Variants in ADAMTS12 observed in about 807,000 individuals in gnomAD.
ADAMTS12 encodes the protein A disintegrin and metalloproteinase with thrombospondin motifs 12.
In ADAMTS12, 118 loss-of-function variants were observed where a neutral mutation model predicts 167.8. The observed-to-expected ratio is 0.70, with a 90% confidence interval of 0.61 to 0.82. The LOEUF (loss-of-function observed/expected upper bound fraction) is 0.82. ADAMTS12 is among the 40% of genes least tolerant of loss of function. The pLI is 0.00. For missense variants in ADAMTS12, 1,916 were observed against 1,998.8 expected (o/e 0.96, Z 0.79); for synonymous variants, 704 against 716.9 (o/e 0.98, Z 0.29).
intron 9 of ADAMTS12, among the ~76,000 whole-genome samples, chr5:33,643,739 T>A (rs1257562077): frequency 6.6e-6 from 1 of 152,248 alleles, no homozygotes; most frequent in Non-Finnish European, 1.5e-5. Context: ...GATGGTCATT[T>A]CTATATGTTT....
At chr5:33,541,379 A>G (rs1193123207) in intron 22 of ADAMTS12, among the ~76,000 whole-genome samples, 2 of 152,222 alleles carry the variant, frequency 1.3e-5, no homozygotes, top group African/African-American at 4.8e-5. Context: ...GAAAGTGAGG[A>G]GAAGAATGGA....
At chr5:33,808,119 G>A (rs1028015147) in intron 2 of ADAMTS12, among the ~76,000 whole-genome samples, 3 of 152,182 alleles carry the variant, frequency 2.0e-5, no homozygotes, top group African/African-American at 4.8e-5. Context: ...GGGAAAGCAC[G>A]AGCCGCGTAC....
Position 33,637,721 on chromosome 5 carries a change from T to G in ADAMTS12, c.1744A>C (p.Thr582Pro). 1.2e-6 allele frequency: 2 copies of G among 1,613,250 alleles called. No individual in the cohort carries two copies. The highest frequency in any genetic ancestry group is 1.7e-6 in the Non-Finnish European group (2 of 1,179,484). Residue 582 changes from threonine to proline, a missense_variant, in exon 12 of 24, where the codon ACT becomes CCT. Transcript: ENST00000504830. Reference sequence around the variant, plus strand: ...AAGCGATAGCGTTTTCTTTCTCCAGTGCAATATTTCCCTCCAAACTTTGGC... The same window carrying G: ...AAGCGATAGCGTTTTCTTTCTCCAGGGCAATATTTCCCTCCAAACTTTGGC... ...PEPKFGGKYC[T>P]GERKRYRLCN...
rs1257371218 is a variant in ADAMTS12, at chr5:33,523,752, T to G, written c.*3436A>C. ...GGGTAGGATTGTGCTTTACCCACCATGTTTTTTAGTAACATAACTTAGAAT... is the reference window on the plus strand; with the variant it reads ...GGGTAGGATTGTGCTTTACCCACCAGGTTTTTTAGTAACATAACTTAGAAT... On this transcript the variant is annotated 3_prime_UTR_variant, in exon 24 of 24. Transcript: ENST00000504830. 1.3e-5 allele frequency: 2 copies of G among 152,218 alleles called. No individual in the cohort carries two copies. Among genetic ancestry groups the G allele is most frequent in the African/African-American group, 2.4e-5 (1 of 41,446 alleles). 9.4% of individuals were successfully genotyped at this position (152,218 alleles called of 1,614,324 possible). A position where few individuals can be genotyped will look rare whatever the true frequency, so the allele number is the denominator to read the frequency against.
At chr5:33,666,739 C>T (rs180906950) in intron 5 of ADAMTS12, among the ~76,000 whole-genome samples, 1 of 152,256 alleles carries the variant, frequency 6.6e-6, no homozygotes, top group Admixed American at 6.5e-5. Context: ...GATCTGCCTG[C>T]CTCAGCCTCC....
chr5:33,785,245 C>A (rs1280105727), intron 2 of ADAMTS12, among the ~76,000 whole-genome samples: 25 of 152,048 alleles, frequency 1.6e-4, no homozygotes, highest in Non-Finnish European at 4.4e-5. Flanking sequence ...GAGAAACTCA[C>A]TCTACCTTGG....
intron 16 of ADAMTS12, among the ~76,000 whole-genome samples, chr5:33,607,114 C>T (rs76107629): frequency 0.017 from 2,646 of 151,772 alleles, 84 homozygotes; most frequent in African/African-American, 0.061. Context: ...TTTTTTTCAC[C>T]GATAAGGATC....
At chr5:33,618,523 G>A (rs1325377636) in intron 14 of ADAMTS12, among the ~76,000 whole-genome samples, 1 of 152,196 alleles carries the variant, frequency 6.6e-6, no homozygotes. Flanking sequence ...GCAGTCTTGA[G>A]TAATCAGAAC....
chr5:33,527,245 G>A lies in ADAMTS12; in HGVS notation c.4728C>T (p.Ile1576=), dbSNP rs764056233. 19 of 1,614,016 alleles carry A rather than the reference G, an allele frequency of 1.2e-5. No homozygotes were observed. The highest frequency in any genetic ancestry group is 1.7e-5 in the Admixed American group (1 of 59,990). ...ECCFSCPQTH[I]THTQRQRRQR... ...GCCTTCTTTGCCTTTGGGTGTGTGTGATGTGTGTCTGGGGACACGAGAAGC... is the reference window on the plus strand; with the variant it reads ...GCCTTCTTTGCCTTTGGGTGTGTGTAATGTGTGTCTGGGGACACGAGAAGC... The change falls in exon 24 of 24, where the codon ATC becomes ATT. Residue 1576 remains isoleucine, a synonymous_variant. Transcript: ENST00000504830.
intron 1 of ADAMTS12, among the ~76,000 whole-genome samples, chr5:33,883,327 G>GTTTTTTTTTTTTT (rs79064946): frequency 7.5e-4 from 84 of 111,552 alleles, no homozygotes; most frequent in East Asian, 1.7e-3. Flanking sequence ...TTTTTTTTTT[G>GTTTTTTTTTTTTT]TTTTTTTTTT....
rs201770938 is a variant in ADAMTS12 at position 33,576,127 on chromosome 5, A to T, written c.3899T>A (p.Leu1300Gln). The T allele has an allele frequency of 6.2e-6, 10 of 1,614,188 alleles. No individual in the cohort carries two copies. Among genetic ancestry groups the T allele is most frequent in the Non-Finnish European group, 8.5e-6 (10 of 1,180,026 alleles). ...ATSLITEGFLLNASNYKQLTN... is the reference protein window; with the variant it reads ...ATSLITEGFLQNASNYKQLTN... ...GAGCTGCTTGTAATTGGAGGCATTT[A>T]GCAAAAAGCCCTCAGTAATCAGACT... Residue 1300 changes from leucine (L) to glutamine (Q), a missense_variant, in exon 19 of 24, where the codon CTA (leucine) becomes CAA (glutamine). Transcript: ENST00000504830.
At chr5:33,580,249 A>G (rs1420541770) in intron 18 of ADAMTS12, among the ~76,000 whole-genome samples, 3 of 152,180 alleles carry the variant, frequency 2.0e-5, no homozygotes, top group Non-Finnish European at 4.4e-5. Flanking sequence ...AGTTTAATTG[A>G]CTCACAGTTC....
intron 7 of ADAMTS12, among the ~76,000 whole-genome samples, chr5:33,652,213 TAG>T (rs1262183212): frequency 1.3e-5 from 2 of 152,146 alleles, no homozygotes; most frequent in African/African-American, 4.8e-5. Context: ...CTGTTTCCCA[TAG>T]AGTTTGTGCT....
intron 23 of ADAMTS12, among the ~76,000 whole-genome samples, chr5:33,533,412 C>T (rs371660082): frequency 6.6e-6 from 1 of 152,142 alleles, no homozygotes; most frequent in African/African-American, 2.4e-5. Context: ...GCTTCTCAAA[C>T]TTTGATGTGC....
chr5:33,673,907 T>A lies in ADAMTS12; in HGVS notation c.915+9111A>T, dbSNP rs538376272. Among the ~76,000 whole-genome samples, 7 of 152,260 alleles carry A rather than the reference T, an allele frequency of 4.6e-5. No individual in the cohort carries two copies. In the East Asian group the frequency reaches 1.3e-3, roughly 29 times the overall value. On this transcript the variant is annotated intron_variant, in intron 5 of 23. Coordinates refer to ENST00000504830, the MANE Select transcript of ADAMTS12 (RefSeq NM_030955.4). Reference sequence around the variant, plus strand: ...CCTCTATTCATTCTTTAAGATTTAATTTGGGCATTTCCAGGGAGCTTTCCC... The same window carrying A: ...CCTCTATTCATTCTTTAAGATTTAAATTGGGCATTTCCAGGGAGCTTTCCC...
intron 19 of ADAMTS12, among the ~76,000 whole-genome samples, chr5:33,568,802 T>C (rs1746149352): frequency 6.6e-6 from 1 of 152,186 alleles, no homozygotes; most frequent in Non-Finnish European, 1.5e-5. Flanking sequence ...ATTGCCTCAC[T>C]CGGGAAGCGC....
chr5:33,885,638 G>T (rs1206088603), intron 1 of ADAMTS12, among the ~76,000 whole-genome samples: 1 of 152,198 alleles, frequency 6.6e-6, no homozygotes, highest in Non-Finnish European at 1.5e-5. Context: ...AGTGCCCCAT[G>T]ATACAAGGCA....
intron 2 of ADAMTS12, among the ~76,000 whole-genome samples, chr5:33,830,740 C>A (rs1388943954): frequency 6.6e-6 from 1 of 152,044 alleles, no homozygotes; most frequent in Non-Finnish European, 1.5e-5. Flanking sequence ...TGCAGTGAGC[C>A]ATGATTACAC....
At chr5:33,644,517 T>C (rs1740587725) in intron 9 of ADAMTS12, among the ~76,000 whole-genome samples, 1 of 152,224 alleles carries the variant, frequency 6.6e-6, no homozygotes, top group Non-Finnish European at 1.5e-5. Context: ...GTTATATTTA[T>C]TCTTCCTCAT....
Sources: allele counts gnomAD v4.1 joint callset (sites outside exome capture counted in the v4.1 genomes callset), GRCh38; gene constraint gnomAD v4.1.1; transcripts MANE v1.5; gene names NCBI Gene and HGNC (gene_info 2026-07-23, HGNC 2026-07-21).